The following NSD3 variants were observed in gnomAD, a reference collection of about 807,000 sequenced individuals.
NSD3 encodes the protein nuclear receptor binding SET domain protein 3, also known as histone-lysine N-methyltransferase NSD3.
In NSD3, 24 loss-of-function variants were observed where a neutral mutation model predicts 160.8. The observed-to-expected ratio is 0.15, with a 90% CI of 0.11 to 0.21. The LOEUF (loss-of-function observed/expected upper bound fraction) is 0.21, where lower values mean the gene tolerates loss of function less well. Ranked by LOEUF, NSD3 falls within the 10% of genes least tolerant of loss-of-function variation. NSD3 has a pLI of 1.00. For synonymous variants in NSD3, 520 were observed against 600.0 expected (o/e 0.87, Z 1.95); for missense variants, 1,157 against 1,735.9 (o/e 0.67, Z 5.93).
At chr8:38,333,789 C>A (rs911037842) in intron 4 of NSD3, among the ~76,000 whole-genome samples, 16 of 152,056 alleles carry the variant, frequency 1.1e-4, no homozygotes, top group Non-Finnish European at 2.2e-4. Flanking sequence ...ATGGCGTGAA[C>A]CCGGGAAGCG....
At chr8:38,378,607 A>C (rs1311869234) in intron 1 of NSD3, among the ~76,000 whole-genome samples, 1 of 152,150 alleles carries the variant, frequency 6.6e-6, no homozygotes, top group Non-Finnish European at 1.5e-5. Context: ...ATGCCACTGC[A>C]CTCCAGCCTG....
intron 2 of NSD3, among the ~76,000 whole-genome samples, chr8:38,341,372 T>C (rs1349254571): frequency 6.6e-6 from 1 of 152,002 alleles, no homozygotes; most frequent in Non-Finnish European, 1.5e-5. Flanking sequence ...ACCCTGTCTC[T>C]ACTAAAAATA....
chr8:38,365,519 C>A (rs1316373668), intron 1 of NSD3, among the ~76,000 whole-genome samples: 1 of 152,320 alleles, frequency 6.6e-6, no homozygotes, highest in Admixed American at 6.5e-5. Context: ...GTCACCCAAG[C>A]TGGAGTACAC....
Position 38,382,004 on chromosome 8 carries a change from C to CGGCCGGGCCG in NSD3, c.-260_-251dup, listed in dbSNP as rs980894853. 1 of 152,530 alleles carries CGGCCGGGCCG rather than the reference C, an allele frequency of 6.6e-6. No individual in the cohort carries two copies. The highest frequency in any genetic ancestry group is 2.4e-5 in the African/African-American group (1 of 41,398). The allele number at this position is 152,530 out of a possible 1,614,324, so 9.4% of individuals were successfully genotyped here. A position where few individuals can be genotyped will look rare whatever the true frequency, so the allele number is the denominator to read the frequency against. On this transcript the variant is annotated 5_prime_UTR_variant, in exon 1 of 24. Transcript: ENST00000317025. This position sits in a 1 kb window ranked among gnomAD's most constrained non-coding sequence, Gnocchi z 4.2. ...TGGCGGCCGGCACTGAGGAGGGCCA[C>CGGCCGGGCCG]GGCCGGGCCGGGCCGGGCGTGCTGC... is the stretch of plus-strand genomic sequence containing the variant.
chr8:38,315,767 G>C (rs1809646594), intron 10 of NSD3, 145 bp downstream of exon 10: 3 of 1,312,430 alleles, frequency 2.3e-6, no homozygotes, highest in South Asian at 3.0e-5. Flanking sequence ...TATAACATGA[G>C]AGCAAAAGAA....
At chr8:38,290,025 G>A (rs1443288481) in intron 17 of NSD3, among the ~76,000 whole-genome samples, 1 of 152,076 alleles carries the variant, frequency 6.6e-6, no homozygotes, top group Non-Finnish European at 1.5e-5. Context: ...AGACCAGCCT[G>A]GGCAACATGG....
chr8:38,358,683 A>G (rs571701527), intron 1 of NSD3, among the ~76,000 whole-genome samples: 19 of 152,312 alleles, frequency 1.2e-4, no homozygotes, highest in African/African-American at 4.6e-4. Flanking sequence ...ATATTCATAT[A>G]CTAATTTCTA....
intron 1 of NSD3, among the ~76,000 whole-genome samples, chr8:38,369,084 A>G (rs987278604): frequency 6.6e-6 from 1 of 152,192 alleles, no homozygotes; most frequent in Non-Finnish European, 1.5e-5. Flanking sequence ...GCAATTTATT[A>G]TATCTAAATA....
Position 38,316,554 on chromosome 8 carries a change from C to T in NSD3, c.1856-512G>A. 5 of 1,049,476 alleles carry T rather than the reference C, an allele frequency of 4.8e-6. No homozygotes were observed. Among genetic ancestry groups the T allele is most frequent in the African/African-American group, 1.7e-5 (1 of 60,164 alleles). 65.0% of individuals were successfully genotyped at this position (1,049,476 alleles called of 1,614,324 possible). A position where few individuals can be genotyped will look rare whatever the true frequency, so the allele number is the denominator to read the frequency against. ...TTGCAATTCAGTTGATTATTGCCCC[C>T]CAATAAAATTTGGATGTTCATAATT... On this transcript the variant is annotated intron_variant, in intron 9 of 23. Transcript: ENST00000317025. This position sits in a 1 kb window ranked among gnomAD's most constrained non-coding sequence, Gnocchi z 4.5.
At chr8:38,308,335 T>C (rs1809455020) in intron 12 of NSD3, among the ~76,000 whole-genome samples, 1 of 152,118 alleles carries the variant, frequency 6.6e-6, no homozygotes, top group African/African-American at 2.4e-5. Context: ...AATATGTAAT[T>C]TCAAAGTACA....
intron 1 of NSD3, among the ~76,000 whole-genome samples, chr8:38,350,636 G>A (rs1028416681): frequency 1.3e-5 from 2 of 152,068 alleles, no homozygotes; most frequent in African/African-American, 2.4e-5. Context: ...CAAAATGTAC[G>A]TGGCAGGGTC....
At chr8:38,282,842 C>T (rs1459431613) in intron 19 of NSD3, among the ~76,000 whole-genome samples, 1 of 152,216 alleles carries the variant, frequency 6.6e-6, no homozygotes, top group African/African-American at 2.4e-5. Context: ...AGTAGTGTTT[C>T]TGCCATTTGT....
At chr8:38,320,567 T>C (rs1341159316) in intron 8 of NSD3, 1 of 152,034 alleles carries the variant, frequency 6.6e-6, no homozygotes, top group African/African-American at 2.4e-5. Flanking sequence ...AGGTGAATAT[T>C]CCACTGGGAA....
chr8:38,350,430 T>C (rs1234736528), intron 1 of NSD3, among the ~76,000 whole-genome samples: 1 of 152,254 alleles, frequency 6.6e-6, no homozygotes, highest in African/African-American at 2.4e-5. Flanking sequence ...ATTTGTCTGA[T>C]GGCCAGTGAA....
intron 5 of NSD3, 138 bp downstream of exon 5, chr8:38,331,293 C>A: frequency 1.0e-6 from 1 of 1,001,280 alleles, no homozygotes; most frequent in Non-Finnish European, 1.4e-6. Flanking sequence ...TAGTCATTTA[C>A]CATTACGATT....
intron 15 of NSD3, among the ~76,000 whole-genome samples, chr8:38,296,733 C>A (rs1169186827): frequency 4.0e-5 from 6 of 150,082 alleles, no homozygotes; most frequent in Non-Finnish European, 7.4e-5. Flanking sequence ...TGTATTCTCT[C>A]TATATATATA....
At chr8:38,281,689 T>C in intron 19 of NSD3, 106 bp from the exon 20 acceptor site, 1 of 592,438 alleles carries the variant, frequency 1.7e-6, no homozygotes, top group Non-Finnish European at 2.8e-6. Flanking sequence ...CCTGAAAATA[T>C]AACTTCAACC....
chr8:38,373,968 A>G (rs1811324148), intron 1 of NSD3, among the ~76,000 whole-genome samples: 1 of 148,144 alleles, frequency 6.8e-6, no homozygotes, highest in Non-Finnish European at 1.5e-5. Context: ...AAGCAAAACT[A>G]GCTGGGTGTG....
intron 1 of NSD3, among the ~76,000 whole-genome samples, chr8:38,349,040 C>A (rs1210352315): frequency 6.6e-6 from 1 of 152,160 alleles, no homozygotes; most frequent in Non-Finnish European, 1.5e-5. Flanking sequence ...CCAAGACAAC[C>A]ACTATAAACA....
Sources: gnomAD v4.1 joint callset for allele counts (sites outside exome capture counted in the v4.1 genomes callset) on GRCh38, gnomAD v4.1.1 for gene constraint, Gnocchi (gnomAD v3.1) non-coding constraint, MANE v1.5 for transcripts, NCBI Gene and HGNC (gene_info 2026-07-23, HGNC 2026-07-21) for gene names.